KIAA1328: variants seen among roughly 807,000 people sequenced by gnomAD.
The protein encoded by KIAA1328 is protein hinderin.
A neutral mutation model predicts 68.1 loss-of-function variants in KIAA1328; 52 were observed. The observed-to-expected ratio is 0.76, with a 90% CI of 0.61 to 0.96. The LOEUF is 0.96. Among genes scored for constraint, KIAA1328 ranks in the 40% least tolerant of loss-of-function variants. The pLI, the probability that KIAA1328 is intolerant of heterozygous loss-of-function variation, is 0.00. For missense variants in KIAA1328, 641 were observed against 677.6 expected (o/e 0.95, Z 0.60); for synonymous variants, 232 against 239.4 (o/e 0.97, Z 0.28).
At chr18:37,078,851 G>A (rs1260610833) in intron 7 of KIAA1328, among the ~76,000 whole-genome samples, 1 of 150,058 alleles carries the variant, frequency 6.7e-6, no homozygotes, top group Non-Finnish European at 1.5e-5. Context: ...AGAGGATGTG[G>A]AGAAATAGGA....
At chr18:37,219,687 C>T (rs945940753) in intron 9 of KIAA1328, among the ~76,000 whole-genome samples, 1 of 152,196 alleles carries the variant, frequency 6.6e-6, no homozygotes, top group Non-Finnish European at 1.5e-5. Flanking sequence ...GTTGGAAAAG[C>T]GCAGTGTTTG....
chr18:37,187,079 G>A (rs2059817045), intron 9 of KIAA1328, among the ~76,000 whole-genome samples: 1 of 151,854 alleles, frequency 6.6e-6, no homozygotes, highest in African/African-American at 2.4e-5. Context: ...CAGGAGAATC[G>A]CTTGAGCCTG....
intron 9 of KIAA1328, among the ~76,000 whole-genome samples, chr18:37,218,020 G>A (rs567656376): frequency 5.8e-4 from 89 of 152,330 alleles, no homozygotes; most frequent in African/African-American, 2.0e-3. Context: ...TCTTGGCCCC[G>A]ATGAAGGGGC....
At chr18:37,140,218 A>G (rs748037381) in intron 7 of KIAA1328, among the ~76,000 whole-genome samples, 5 of 152,146 alleles carry the variant, frequency 3.3e-5, no homozygotes, top group Non-Finnish European at 7.4e-5. Context: ...GAGAATACCA[A>G]TCTGCTCTTT....
chr18:36,832,362 G>A (rs866387152), intron 1 of KIAA1328, among the ~76,000 whole-genome samples: 1 of 151,972 alleles, frequency 6.6e-6, no homozygotes, highest in African/African-American at 2.4e-5. Flanking sequence ...CAAAGCAGGT[G>A]GATCACAAGG....
At chr18:37,102,808 A>C (rs1332898356) in intron 7 of KIAA1328, among the ~76,000 whole-genome samples, 1 of 152,230 alleles carries the variant, frequency 6.6e-6, no homozygotes, top group East Asian at 1.9e-4. Context: ...GGTAGACAGC[A>C]TGACTTTATT....
chr18:37,109,367 C>G (rs2057863864), intron 7 of KIAA1328, among the ~76,000 whole-genome samples: 1 of 152,160 alleles, frequency 6.6e-6, no homozygotes, highest in Admixed American at 6.6e-5. Flanking sequence ...GAAAATAAAA[C>G]ATGTTACCCC....
chr18:37,031,695 A>G (rs2151583776), intron 6 of KIAA1328, among the ~76,000 whole-genome samples: 1 of 152,276 alleles, frequency 6.6e-6, no homozygotes, highest in South Asian at 2.1e-4. Flanking sequence ...GAGTCTAGTT[A>G]TATCACCTTT....
At chr18:37,070,152 T>G (rs1328485868) in intron 7 of KIAA1328, among the ~76,000 whole-genome samples, 1 of 152,166 alleles carries the variant, frequency 6.6e-6, no homozygotes, top group Non-Finnish European at 1.5e-5. Flanking sequence ...GTTTCTGATT[T>G]CTAGTTTGAT....
chr18:37,219,428 C>T (rs531774176), intron 9 of KIAA1328, among the ~76,000 whole-genome samples: 2 of 152,358 alleles, frequency 1.3e-5, no homozygotes, highest in African/African-American at 4.8e-5. Context: ...GCCCTTCCCC[C>T]AGAGGTGGAG....
chr18:37,187,716 C>T (rs2059830539), intron 9 of KIAA1328, among the ~76,000 whole-genome samples: 1 of 151,876 alleles, frequency 6.6e-6, no homozygotes, highest in Admixed American at 6.6e-5. Flanking sequence ...GTTTTTTCCC[C>T]CCACTTGGGC....
intron 9 of KIAA1328, 28 bp downstream of exon 9, chr18:37,173,109 A>G (rs2059532773): frequency 6.5e-7 from 1 of 1,527,390 alleles, no homozygotes; most frequent in Non-Finnish European, 9.0e-7. Context: ...TTTAGTTTTT[A>G]ATATTCTCCC....
chr18:36,960,349 G>T (rs2051608917), intron 6 of KIAA1328, among the ~76,000 whole-genome samples: 1 of 152,224 alleles, frequency 6.6e-6, no homozygotes, highest in Non-Finnish European at 1.5e-5. Context: ...AAGGCCTACT[G>T]CCTCTACAGA....
intron 5 of KIAA1328, among the ~76,000 whole-genome samples, chr18:36,954,769 A>G (rs911289494): frequency 6.8e-6 from 1 of 147,288 alleles, no homozygotes; most frequent in Non-Finnish European, 1.5e-5. Context: ...ATCTCAACTC[A>G]CTGCAACTTC....
intron 9 of KIAA1328, among the ~76,000 whole-genome samples, chr18:37,196,978 C>A (rs1352062339): frequency 6.6e-6 from 1 of 151,910 alleles, no homozygotes; most frequent in Non-Finnish European, 1.5e-5. Flanking sequence ...TATTATTGAT[C>A]TGTTCAGGTT....
intron 7 of KIAA1328, among the ~76,000 whole-genome samples, chr18:37,119,490 G>T (rs1433194779): frequency 1.3e-5 from 2 of 152,176 alleles, no homozygotes; most frequent in South Asian, 2.1e-4. Context: ...TTCCTGGCTT[G>T]TAGATGGCCA....
chr18:36,888,790 A>T (rs1229420821), intron 5 of KIAA1328, among the ~76,000 whole-genome samples: 24 of 152,306 alleles, frequency 1.6e-4, no homozygotes, highest in Admixed American at 1.6e-3. Flanking sequence ...GTTATAATTT[A>T]AAATAATATA....
intron 6 of KIAA1328, among the ~76,000 whole-genome samples, chr18:37,016,529 A>G (rs1349722354): frequency 6.6e-6 from 1 of 152,158 alleles, no homozygotes; most frequent in African/African-American, 2.4e-5. Context: ...CAGTTTCAGT[A>G]GAATTGGTAC....
intron 6 of KIAA1328, among the ~76,000 whole-genome samples, chr18:37,031,288 C>T (rs1041216291): frequency 6.6e-6 from 1 of 152,058 alleles, no homozygotes; most frequent in Non-Finnish European, 1.5e-5. Flanking sequence ...AATTTCCAAC[C>T]ATGATTGTGG....
Sources: gnomAD v4.1 joint callset for allele counts (sites outside exome capture counted in the v4.1 genomes callset) on GRCh38, gnomAD v4.1.1 for gene constraint, MANE v1.5 for transcripts, NCBI Gene and HGNC (gene_info 2026-07-23, HGNC 2026-07-21) for gene names.